Variants in CNTNAP5 observed in about 807,000 individuals in gnomAD.
CNTNAP5 encodes the protein contactin associated protein family member 5, also known as contactin-associated protein-like 5.
A neutral mutation model predicts 150.2 loss-of-function variants in CNTNAP5; 72 were observed. That is an observed-to-expected ratio of 0.48 (90% CI 0.40 to 0.58). The LOEUF (loss-of-function observed/expected upper bound fraction) is 0.58, where lower values mean the gene tolerates loss of function less well. CNTNAP5 is among the 20% of genes least tolerant of loss of function. The probability of loss-of-function intolerance (pLI) is 0.00; values close to 1 mark genes in which losing one functional copy is unlikely to be tolerated. For missense variants in CNTNAP5, 1,636 were observed against 1,626.2 expected (o/e 1.01, Z -0.10); for synonymous variants, 672 against 619.8 (o/e 1.08, Z -1.25).
rs376838129 is a variant in CNTNAP5 at position 124,323,707 on chromosome 2, G to A, written c.381+81314G>A. 1.7e-4 allele frequency among the ~76,000 whole-genome samples: 26 copies of A among 152,282 alleles called. No individual in the cohort carries two copies. The East Asian group carries it at 2.9e-3, about 17-fold the overall frequency. On this transcript the variant is annotated intron_variant, in intron 3 of 23. Coordinates refer to ENST00000682447, the MANE Select transcript of CNTNAP5 (RefSeq NM_001367498.1). ...CCTGCCAACCCCTGCCTCCTGAGGA[G>A]GCTTTCAGAATTAACTAGACCATGT...
intron 13 of CNTNAP5, among the ~76,000 whole-genome samples, chr2:124,664,731 G>A (rs774960878): frequency 6.6e-6 from 1 of 152,224 alleles, no homozygotes; most frequent in Non-Finnish European, 1.5e-5. Context: ...TTATCACCCA[G>A]GCTGGAGGAC....
At chr2:124,360,153 G>T (rs1324599254) in intron 3 of CNTNAP5, among the ~76,000 whole-genome samples, 1 of 147,400 alleles carries the variant, frequency 6.8e-6, no homozygotes, top group African/African-American at 2.5e-5. Flanking sequence ...TTTTCCATTT[G>T]CTTGGTAGAT....
intron 3 of CNTNAP5, among the ~76,000 whole-genome samples, chr2:124,352,035 T>C (rs1215504724): frequency 6.6e-6 from 1 of 152,064 alleles, no homozygotes; most frequent in East Asian, 1.9e-4. Flanking sequence ...TGAGCTATAA[T>C]AGTGGCGTGA....
At position 124,221,780 on chromosome 2, in the gene CNTNAP5, A is replaced by G; in HGVS notation, c.158A>G (p.His53Arg). Reference protein sequence around the residue: ...FSSSSDLTGTHSPAQLNWRVG... With the variant: ...FSSSSDLTGTRSPAQLNWRVG... ...AGTTCCTCAGACCTCACTGGCACTC[A>G]CAGCCCAGCTCAACTCAACTGGAGA... The change falls in exon 2 of 24, where the codon CAC (histidine) becomes CGC (arginine). Residue 53 changes from histidine (H) to arginine (R), a missense_variant. By Grantham distance (29) the His-to-Arg change is conservative. Coordinates refer to ENST00000682447, the MANE Select transcript of CNTNAP5 (RefSeq NM_001367498.1). The G allele has an allele frequency of 6.2e-7, 1 of 1,610,312 alleles. No individual in the cohort carries two copies. Among genetic ancestry groups the G allele is most frequent in the South Asian group, 1.1e-5 (1 of 90,380 alleles).
At chr2:124,518,080 A>G (rs979122432) in intron 8 of CNTNAP5, among the ~76,000 whole-genome samples, 26 of 152,074 alleles carry the variant, frequency 1.7e-4, no homozygotes, top group African/African-American at 6.3e-4. Flanking sequence ...CTCCTAACAA[A>G]TAATAAGCCA....
chr2:124,602,965 C>T (rs374817585), intron 11 of CNTNAP5, among the ~76,000 whole-genome samples: 36 of 152,076 alleles, frequency 2.4e-4, no homozygotes, highest in African/African-American at 8.5e-4. Flanking sequence ...AAAATCTGAT[C>T]TATAATTTTT....
At chr2:124,375,154 C>A (rs533525644) in intron 3 of CNTNAP5, among the ~76,000 whole-genome samples, 1 of 152,096 alleles carries the variant, frequency 6.6e-6, no homozygotes, top group African/African-American at 2.4e-5. Context: ...CATGGATCAT[C>A]TATGCATGGT....
chr2:124,482,611 T>C (rs1693785452), intron 7 of CNTNAP5, among the ~76,000 whole-genome samples: 1 of 152,146 alleles, frequency 6.6e-6, no homozygotes, highest in Non-Finnish European at 1.5e-5. Context: ...GTGTGCTTTG[T>C]TATTTGCCGA....
chr2:124,203,120 G>A (rs1685769751), intron 1 of CNTNAP5, among the ~76,000 whole-genome samples: 1 of 152,116 alleles, frequency 6.6e-6, no homozygotes, highest in Non-Finnish European at 1.5e-5. Context: ...CAGGCATTGT[G>A]TAAATACACC....
chr2:124,423,528 T>A lies in CNTNAP5; in HGVS notation c.529+5938T>A, dbSNP rs537660678. Among the ~76,000 whole-genome samples, 151 of 152,082 alleles carry A rather than the reference T, an allele frequency of 9.9e-4. 1 individual carries two copies. The highest frequency in any genetic ancestry group is 2.8e-3 in the African/African-American group (118 of 41,560). On this transcript the variant is annotated intron_variant, in intron 4 of 23. Coordinates refer to ENST00000682447, the MANE Select transcript of CNTNAP5 (RefSeq NM_001367498.1). Reference sequence around the variant, plus strand: ...ATTAACTTTATTTATTTATTTATTTTTTGTATTTTTTAGTAGAGACGGGGT... The same window carrying A: ...ATTAACTTTATTTATTTATTTATTTATTGTATTTTTTAGTAGAGACGGGGT...
At chr2:124,576,868 G>A (rs1696293579) in intron 11 of CNTNAP5, among the ~76,000 whole-genome samples, 1 of 152,116 alleles carries the variant, frequency 6.6e-6, no homozygotes, top group African/African-American at 2.4e-5. Flanking sequence ...GCCTGATTAA[G>A]TTTACTTATT....
chr2:124,108,329 C>A (rs1393503050), intron 1 of CNTNAP5, among the ~76,000 whole-genome samples: 3 of 152,230 alleles, frequency 2.0e-5, no homozygotes, highest in Non-Finnish European at 4.4e-5. Flanking sequence ...GCAACTGTCA[C>A]CTGATCTTAT....
At chr2:124,266,816 G>A (rs915933160) in intron 3 of CNTNAP5, among the ~76,000 whole-genome samples, 1 of 152,156 alleles carries the variant, frequency 6.6e-6, no homozygotes, top group Non-Finnish European at 1.5e-5. Flanking sequence ...TCTGACAAGC[G>A]ACACTTTGTC....
intron 1 of CNTNAP5, among the ~76,000 whole-genome samples, chr2:124,206,992 G>T (rs191369626): frequency 6.6e-6 from 1 of 152,246 alleles, no homozygotes; most frequent in East Asian, 1.9e-4. Flanking sequence ...CATATATTCT[G>T]TTCAACTCTG....
At chr2:124,370,193 T>G (rs887361574) in intron 3 of CNTNAP5, among the ~76,000 whole-genome samples, 2 of 152,108 alleles carry the variant, frequency 1.3e-5, no homozygotes, top group Non-Finnish European at 2.9e-5. Context: ...AAAGAAAAAC[T>G]GCAAAACTAA....
intron 1 of CNTNAP5, among the ~76,000 whole-genome samples, chr2:124,034,832 A>T (rs1362077046): frequency 6.6e-6 from 1 of 152,176 alleles, no homozygotes; most frequent in African/African-American, 2.4e-5. Flanking sequence ...TGGACCTAGA[A>T]TTGGAAAGTT....
chr2:124,379,523 T>C (rs979369882), intron 3 of CNTNAP5, among the ~76,000 whole-genome samples: 1 of 152,166 alleles, frequency 6.6e-6, no homozygotes, highest in Non-Finnish European at 1.5e-5. Context: ...TATTCCATTG[T>C]CTGGACATAC....
chr2:124,262,528 G>A (rs541400481), intron 3 of CNTNAP5, among the ~76,000 whole-genome samples: 14 of 152,050 alleles, frequency 9.2e-5, no homozygotes, highest in African/African-American at 3.1e-4. Context: ...ATTTATCCCC[G>A]GTTCACCTTT....
chr2:124,831,854 A>T (rs1682723387), intron 19 of CNTNAP5, among the ~76,000 whole-genome samples: 2 of 152,120 alleles, frequency 1.3e-5, no homozygotes, highest in Admixed American at 1.3e-4. Context: ...ATGAAAACTG[A>T]CATATTGGAC....
Sources: allele counts gnomAD v4.1 joint callset (sites outside exome capture counted in the v4.1 genomes callset), GRCh38; gene constraint gnomAD v4.1.1; transcripts MANE v1.5; gene names NCBI Gene and HGNC (gene_info 2026-07-23, HGNC 2026-07-21).